The following NEXN variants were observed in gnomAD, a reference collection of about 807,000 sequenced individuals.
NEXN encodes the protein nexilin F-actin binding protein, also known as nexilin.
NEXN carries 65 observed loss-of-function variants against 92.6 expected under a neutral mutation model. The observed-to-expected ratio is 0.70, with a 90% confidence interval of 0.57 to 0.86. NEXN has a LOEUF of 0.86. Ranked by LOEUF, NEXN falls within the 40% of genes least tolerant of loss-of-function variation. The pLI is 0.00. For synonymous variants in NEXN, 254 were observed against 242.5 expected, an observed-to-expected ratio of 1.05 and a Z score of -0.44; for missense variants, 778 against 771.1, an observed-to-expected ratio of 1.01 and a Z score of -0.11.
At chr1:77,898,425 TAATA>T (rs1166194390) in intron 1 of NEXN, among the ~76,000 whole-genome samples, 1 of 152,182 alleles carries the variant, frequency 6.6e-6, no homozygotes, top group Admixed American at 6.6e-5. Flanking sequence ...ATTCCCTATT[TAATA>T]AATGGTGCTG....
intron 9 of NEXN, among the ~76,000 whole-genome samples, chr1:77,932,295 G>C (rs1650373752): frequency 6.6e-6 from 1 of 152,164 alleles, no homozygotes; most frequent in Non-Finnish European, 1.5e-5. Flanking sequence ...GTTGACTTTA[G>C]ACAATTACTT....
chr1:77,942,340 T>G, intron 12 of NEXN, 121 bp from the exon 13 acceptor site: 7 of 1,346,914 alleles, frequency 5.2e-6, no homozygotes, highest in Non-Finnish European at 7.4e-6. Context: ...AAGTACACTT[T>G]GTAGTAGGCA....
chr1:77,918,234 G>T lies in NEXN; in HGVS notation c.408G>T (p.Lys136Asn). The change falls in exon 5 of 13, where the codon AAG becomes AAT. Residue 136 changes from lysine to asparagine, a missense_variant. Lys to Asn is a moderately conservative substitution (Grantham distance 94). This residue lies in a region of NEXN where 236 missense variants were observed against 265.6 expected (regional missense o/e 0.89). Transcript: ENST00000334785. ...KRRIEQDMLEKRKIQRELAKR... is the reference protein window; with the variant it reads ...KRRIEQDMLENRKIQRELAKR... Reference sequence around the variant, plus strand: ...GAATTGAGCAGGATATGTTAGAAAAGAGGAAAATACAGCGTGAATTAGCAA... The same window carrying T: ...GAATTGAGCAGGATATGTTAGAAAATAGGAAAATACAGCGTGAATTAGCAA... The T allele has an allele frequency of 2.5e-6, 4 of 1,614,130 alleles. No individual in the cohort carries two copies. Among genetic ancestry groups the T allele is most frequent in the Non-Finnish European group, 3.4e-6 (4 of 1,180,000 alleles).
At chr1:77,933,162 AAAAAAC>A (rs1650445520) in intron 9 of NEXN, 114 bp from the exon 10 acceptor site, 1 of 733,750 alleles carries the variant, frequency 1.4e-6, no homozygotes, top group East Asian at 2.8e-5. Context: ...ACTCCATCTC[AAAAAAC>A]AAAAACAAAA....
chr1:77,920,267 C>T (rs555938060), intron 5 of NEXN, among the ~76,000 whole-genome samples: 22 of 152,146 alleles, frequency 1.4e-4, no homozygotes, highest in African/African-American at 5.1e-4. Flanking sequence ...CACTGTACTC[C>T]AATATAATTT....
At chr1:77,917,265 T>C (rs1649051912) in intron 2 of NEXN, among the ~76,000 whole-genome samples, 2 of 152,176 alleles carry the variant, frequency 1.3e-5, no homozygotes, top group Non-Finnish European at 2.9e-5. Context: ...TAATTAGAAT[T>C]CAGAATTTGA....
chr1:77,918,375 C>A, intron 5 of NEXN, 102 bp downstream of exon 5: 1 of 1,337,306 alleles, frequency 7.5e-7, no homozygotes, highest in Non-Finnish European at 1.1e-6. Context: ...GTAACATAAA[C>A]CTATTAAAAA....
intron 11 of NEXN, among the ~76,000 whole-genome samples, chr1:77,939,940 G>C (rs978411038): frequency 6.6e-6 from 1 of 152,114 alleles, no homozygotes; most frequent in Non-Finnish European, 1.5e-5. Flanking sequence ...CGGGCGTGGT[G>C]GCAGACGCCT....
chr1:77,943,079 T>C lies in NEXN; in HGVS notation c.*250T>C, dbSNP rs1481568761. ...CACAGCTCATCTAAAGAATGCCTACTTCTTTTCCAAATAAGCATCAGATTT... is the reference window on the plus strand; with the variant it reads ...CACAGCTCATCTAAAGAATGCCTACCTCTTTTCCAAATAAGCATCAGATTT... On this transcript the variant is annotated 3_prime_UTR_variant, in exon 13 of 13. Transcript: ENST00000334785. 1 of 481,342 alleles carries C rather than the reference T, an allele frequency of 2.1e-6. No individual in the cohort carries two copies. The highest frequency in any genetic ancestry group is 3.9e-6 in the Non-Finnish European group (1 of 258,526). The allele number at this position is 481,342 out of a possible 1,614,324, so 29.8% of individuals were successfully genotyped here.
At chr1:77,926,947 A>C in intron 8 of NEXN, 55 bp downstream of exon 8, 2 of 1,605,340 alleles carry the variant, frequency 1.2e-6, no homozygotes, top group Non-Finnish European at 1.7e-6. Context: ...AGCCGACTTA[A>C]GATAAGGTTT....
chr1:77,941,735 T>C, intron 11 of NEXN: 1 of 427,224 alleles, frequency 2.3e-6, no homozygotes, highest in Non-Finnish European at 4.3e-6. Flanking sequence ...TTCAGTTAAG[T>C]GCTATCAAAA....
chr1:77,915,900 C>A (rs1270392998), intron 1 of NEXN, among the ~76,000 whole-genome samples, 155 bp from the exon 2 acceptor site: 3 of 152,006 alleles, frequency 2.0e-5, no homozygotes. Context: ...TACCATGAAT[C>A]TTGGGAAAAA....
chr1:77,897,526 A>G (rs1571069128), intron 1 of NEXN, among the ~76,000 whole-genome samples: 1 of 152,220 alleles, frequency 6.6e-6, no homozygotes, highest in Middle Eastern at 3.4e-3. Context: ...AATAAGAGCT[A>G]TCTATGACAA....
At chr1:77,923,675 CTCTCT>C (rs1343808160) in intron 5 of NEXN, among the ~76,000 whole-genome samples, 8 of 130,520 alleles carry the variant, frequency 6.1e-5, no homozygotes, top group South Asian at 5.1e-4. Flanking sequence ...GTAAATTGAG[CTCTCT>C]TTTTTTTTTT....
intron 1 of NEXN, among the ~76,000 whole-genome samples, chr1:77,904,309 A>T (rs867966530): frequency 4.1e-4 from 63 of 152,258 alleles, no homozygotes; most frequent in Admixed American, 9.2e-4. Flanking sequence ...GGAATTTTTT[A>T]AAAAACCACC....
At chr1:77,921,731 A>G (rs1382024602) in intron 5 of NEXN, among the ~76,000 whole-genome samples, 1 of 152,030 alleles carries the variant, frequency 6.6e-6, no homozygotes, top group East Asian at 1.9e-4. Flanking sequence ...GCAATACACT[A>G]AAACCCTGTC....
chr1:77,890,095 A>G (rs993883814), intron 1 of NEXN, among the ~76,000 whole-genome samples: 2 of 151,750 alleles, frequency 1.3e-5, no homozygotes, highest in Non-Finnish European at 2.9e-5. Context: ...AATGAGAGAA[A>G]GGTTTTTTGG....
chr1:77,892,836 A>G (rs1647138764), intron 1 of NEXN, among the ~76,000 whole-genome samples: 1 of 152,060 alleles, frequency 6.6e-6, no homozygotes, highest in Non-Finnish European at 1.5e-5. Flanking sequence ...TATTTCTGCT[A>G]AGGAAGTATT....
chr1:77,896,413 C>T (rs919206251), intron 1 of NEXN, among the ~76,000 whole-genome samples: 1 of 152,060 alleles, frequency 6.6e-6, no homozygotes, highest in African/African-American at 2.4e-5. Context: ...CTCTCCTCAC[C>T]TCTACCCCTC....
Sources: gnomAD v4.1 joint callset for allele counts (sites outside exome capture counted in the v4.1 genomes callset) on GRCh38, gnomAD v4.1.1 for gene constraint, gnomAD v4.1.1 regional missense constraint, MANE v1.5 for transcripts, NCBI Gene and HGNC (gene_info 2026-07-23, HGNC 2026-07-21) for gene names.